The following NCKAP5 variants were observed in gnomAD, a reference collection of about 807,000 sequenced individuals.
The protein encoded by NCKAP5 is NCK associated protein 5.
A neutral mutation model predicts 167.0 loss-of-function variants in NCKAP5; 92 were observed. The ratio of observed to expected loss-of-function variants is 0.55; its 90% CI spans 0.47 to 0.66. The LOEUF (loss-of-function observed/expected upper bound fraction) is 0.66. Ranked by LOEUF, NCKAP5 falls within the 30% of genes least tolerant of loss-of-function variation. The pLI is 0.00. For synonymous variants in NCKAP5, 891 were observed against 877.4 expected (o/e 1.02, Z -0.27); for missense variants, 2,378 against 2,315.0 (o/e 1.03, Z -0.56).
At chr2:133,616,664 C>T in the NCKAP5 span, among the ~76,000 whole-genome samples, 23 of 152,022 alleles carry the variant, frequency 1.5e-4, no homozygotes, top group East Asian at 5.8e-4. Flanking sequence ...TAATCAATAG[C>T]TTACCAACCA....
At chr2:133,522,955 G>A (rs1447047935) in intron 2 of NCKAP5, among the ~76,000 whole-genome samples, 1 of 152,188 alleles carries the variant, frequency 6.6e-6, no homozygotes, top group Non-Finnish European at 1.5e-5. Flanking sequence ...AACGGTCATG[G>A]AGTTGAAAGA....
At chr2:133,178,039 A>G (rs574862801) in intron 5 of NCKAP5, among the ~76,000 whole-genome samples, 66 of 152,328 alleles carry the variant, frequency 4.3e-4, no homozygotes, top group Non-Finnish European at 3.8e-4. Context: ...GAAGCCTAGT[A>G]GGGAGCCAGA....
chr2:133,329,672 A>C (rs953205373), intron 3 of NCKAP5, among the ~76,000 whole-genome samples: 3 of 152,170 alleles, frequency 2.0e-5, no homozygotes, highest in African/African-American at 7.2e-5. Context: ...TGACACATTG[A>C]AATAATAAGT....
intron 5 of NCKAP5, among the ~76,000 whole-genome samples, chr2:133,178,600 C>T (rs1230440266): frequency 4.9e-5 from 7 of 142,812 alleles, no homozygotes; most frequent in Admixed American, 7.1e-5. Flanking sequence ...CCGATGCGGG[C>T]GGATCACGAG....
At chr2:133,397,610 A>C (rs1437805988) in intron 3 of NCKAP5, among the ~76,000 whole-genome samples, 1 of 152,178 alleles carries the variant, frequency 6.6e-6, no homozygotes, top group Non-Finnish European at 1.5e-5. Flanking sequence ...TTTGCGGATT[A>C]AGCAATAAAG....
intron 8 of NCKAP5, among the ~76,000 whole-genome samples, chr2:132,952,567 G>T (rs190370623): frequency 3.3e-5 from 5 of 152,234 alleles, no homozygotes; most frequent in Non-Finnish European, 7.4e-5. Context: ...GAGTTGGAAG[G>T]CCAAAAGGGC....
intron 8 of NCKAP5, among the ~76,000 whole-genome samples, chr2:132,947,136 A>T (rs532213989): frequency 7.9e-5 from 12 of 152,332 alleles, no homozygotes; most frequent in African/African-American, 2.6e-4. Context: ...GCAATCCTTG[A>T]AGAAAATTAA....
chr2:132,878,655 C>T (rs896120234), intron 9 of NCKAP5, among the ~76,000 whole-genome samples, 193 bp downstream of exon 9: 22 of 48,890 alleles, frequency 4.5e-4, no homozygotes, highest in Admixed American at 2.2e-3. Flanking sequence ...CACACACACA[C>T]GCACGCATAC....
At chr2:133,468,972 A>T (rs4295065) in intron 3 of NCKAP5, among the ~76,000 whole-genome samples, 3 of 151,924 alleles carry the variant, frequency 2.0e-5, no homozygotes, top group African/African-American at 7.2e-5. Context: ...CCAATTTGCC[A>T]GTCTGTGTCT....
chr2:132,718,072 C>G (rs1689541146), intron 19 of NCKAP5, among the ~76,000 whole-genome samples: 1 of 152,196 alleles, frequency 6.6e-6, no homozygotes, highest in African/African-American at 2.4e-5. Context: ...GTTTTGGGTA[C>G]TGGATTACCT....
chr2:133,278,782 C>CAAAAAAAA (rs59725110), intron 4 of NCKAP5, among the ~76,000 whole-genome samples: 1 of 94,092 alleles, frequency 1.1e-5, no homozygotes, highest in African/African-American at 3.7e-5. Context: ...CCCTAAACTA[C>CAAAAAAAA]AAAAAAAAAA....
At chr2:133,331,334 C>T (rs1335360758) in intron 3 of NCKAP5, among the ~76,000 whole-genome samples, 3 of 152,120 alleles carry the variant, frequency 2.0e-5, no homozygotes, top group Non-Finnish European at 2.9e-5. Flanking sequence ...GATTAAACAA[C>T]ATGATCTGAT....
In NCKAP5 at chr2:132,782,472, T is replaced by G. The variant is rs1683122974; in HGVS notation, c.4339A>C (p.Thr1447Pro). The G allele has an allele frequency of 1.2e-6, 2 of 1,612,556 alleles. No individual in the cohort carries two copies. The highest frequency in any genetic ancestry group is 8.5e-7 in the Non-Finnish European group (1 of 1,179,440). Residue 1447 changes from threonine (T) to proline (P), a missense_variant, in exon 14 of 20, where the codon ACT becomes CCT. Around this residue, in one of 3 missense-constraint regions of NCKAP5, gnomAD observed 1,325 missense variants for 1,274.5 expected, o/e 1.04. Transcript: ENST00000409261. Reference sequence around the variant, plus strand: ...GAGGCATCTGGATGCCTTCCAGAAGTTTCTAGCTTGGATGTACTGCTTGTT... The same window carrying G: ...GAGGCATCTGGATGCCTTCCAGAAGGTTCTAGCTTGGATGTACTGCTTGTT... ...FETSSTSKLETSGRHPDASAT... is the reference protein window; with the variant it reads ...FETSSTSKLEPSGRHPDASAT...
chr2:133,050,515 C>A (rs1290007287), intron 6 of NCKAP5, among the ~76,000 whole-genome samples: 1 of 152,102 alleles, frequency 6.6e-6, no homozygotes, highest in African/African-American at 2.4e-5. Flanking sequence ...AAAATGAAAA[C>A]CATGAAAAGA....
At chr2:133,200,079 T>TTTTTTTTTTA (rs2085616520) in intron 5 of NCKAP5, among the ~76,000 whole-genome samples, 1 of 148,028 alleles carries the variant, frequency 6.8e-6, no homozygotes, top group African/African-American at 2.5e-5. Flanking sequence ...TTTTTTTTTT[T>TTTTTTTTTTA]GCAGAAATGA....
At chr2:133,116,487 CAAAAAA>C (rs1176731938) in intron 6 of NCKAP5, among the ~76,000 whole-genome samples, 2 of 7,144 alleles carry the variant, frequency 2.8e-4, no homozygotes, top group Non-Finnish European at 5.0e-4. Context: ...GACTCCGTCT[CAAAAAA>C]AAAAAAAAAA....
intron 6 of NCKAP5, among the ~76,000 whole-genome samples, chr2:132,999,844 T>C (rs4954021): frequency 1.3e-5 from 2 of 151,906 alleles, no homozygotes; most frequent in Admixed American, 6.6e-5. Flanking sequence ...CTATATTCAG[T>C]TATTTAGTTG....
In NCKAP5 at chr2:133,215,458, C is replaced by T. The variant is rs150263539; in HGVS notation, c.144-1679G>A. Among the ~76,000 whole-genome samples, 281 of 152,200 alleles carry T rather than the reference C, an allele frequency of 1.8e-3. 4 individuals carry two copies. Among genetic ancestry groups the T allele is most frequent in the African/African-American group, 6.5e-3 (268 of 41,512 alleles). Reference sequence around the variant, plus strand: ...AATCACATACTCCATACTCTATGAACCAGCAATTCCACTCTGAGCTCTAAA... The same window carrying T: ...AATCACATACTCCATACTCTATGAATCAGCAATTCCACTCTGAGCTCTAAA... On this transcript the variant is annotated intron_variant, in intron 4 of 19. Coordinates refer to ENST00000409261, the MANE Select transcript of NCKAP5 (RefSeq NM_207363.3).
intron 5 of NCKAP5, among the ~76,000 whole-genome samples, chr2:133,205,306 G>GAT (rs2085896947): frequency 6.6e-6 from 1 of 151,980 alleles, no homozygotes; most frequent in Non-Finnish European, 1.5e-5. Flanking sequence ...TAGATAGATA[G>GAT]ATAGATAGAT....
Sources: allele counts gnomAD v4.1 joint callset (sites outside exome capture counted in the v4.1 genomes callset), GRCh38; gene constraint gnomAD v4.1.1; regional missense constraint gnomAD v4.1.1; transcripts MANE v1.5; gene names NCBI Gene and HGNC (gene_info 2026-07-23, HGNC 2026-07-21).